The following DNAJA3 variants were observed in gnomAD, a reference collection of about 807,000 sequenced individuals.
DNAJA3 encodes DnaJ heat shock protein family (Hsp40) member A3.
DNAJA3 carries 29 observed loss-of-function variants against 54.9 expected under a neutral mutation model. The ratio of observed to expected loss-of-function variants is 0.53; its 90% CI spans 0.39 to 0.72. The LOEUF (loss-of-function observed/expected upper bound fraction) is 0.72. DNAJA3 is among the 30% of genes least tolerant of loss of function. The pLI is 0.00. For synonymous variants in DNAJA3, 302 were observed against 251.4 expected, an observed-to-expected ratio of 1.20 and a Z score of -1.90; for missense variants, 708 against 639.4, an observed-to-expected ratio of 1.11 and a Z score of -1.16.
rs1462773103 is a variant in DNAJA3 at position 4,434,278 on chromosome 16, C to G, written c.212-106C>G. Reference sequence around the variant, plus strand: ...GGGTGGGGACACAGCCAAACCTTATCAGTTTGTTTGTTCCTTCACAGATAT... The same window carrying G: ...GGGTGGGGACACAGCCAAACCTTATGAGTTTGTTTGTTCCTTCACAGATAT... On this transcript the variant is annotated intron_variant, in intron 1 of 11. Coordinates refer to ENST00000262375, the MANE Select transcript of DNAJA3 (RefSeq NM_005147.6). 4 of 1,289,110 alleles carry G rather than the reference C, an allele frequency of 3.1e-6. No homozygotes were observed. In the African/African-American group the frequency reaches 4.5e-5, roughly 14 times the overall value. 79.9% of individuals were successfully genotyped at this position (1,289,110 alleles called of 1,614,324 possible). A position where few individuals can be genotyped will look rare whatever the true frequency, so the allele number is the denominator to read the frequency against.
intron 2 of DNAJA3, among the ~76,000 whole-genome samples, chr16:4,435,410 C>T (rs1459402436): frequency 6.6e-6 from 1 of 151,920 alleles, no homozygotes; most frequent in Non-Finnish European, 1.5e-5. Context: ...GAGTTGTGCA[C>T]CTGTCACCAC....
rs955756314 is a variant in DNAJA3 at position 4,434,597 on chromosome 16, G to C, written c.345+80G>C. The C allele has an allele frequency of 3.9e-5, 59 of 1,516,408 alleles. No individual in the cohort carries two copies. The Admixed American group carries it at 1.2e-3, about 31-fold the overall frequency. 93.9% of individuals were successfully genotyped at this position (1,516,408 alleles called of 1,614,324 possible). A position where few individuals can be genotyped will look rare whatever the true frequency, so the allele number is the denominator to read the frequency against. On this transcript the variant is annotated intron_variant, in intron 2 of 11. Coordinates refer to ENST00000262375, the MANE Select transcript of DNAJA3 (RefSeq NM_005147.6). The stretch of plus-strand genomic sequence containing the variant: ...CCCATGTGATCCTGATCAGTACAGC[G>C]TATGTGCCCATATGAATAGGTCTCA...
intron 1 of DNAJA3, among the ~76,000 whole-genome samples, chr16:4,431,342 A>G (rs948732208): frequency 6.6e-6 from 1 of 152,250 alleles, no homozygotes; most frequent in Non-Finnish European, 1.5e-5. Flanking sequence ...GAAGAAACAC[A>G]AAGTGGTCTC....
Position 4,442,273 on chromosome 16 carries a change from C to T in DNAJA3, c.636C>T (p.Phe212=), listed in dbSNP as rs752967786. The change falls in exon 5 of 12, where the codon TTC becomes TTT. Residue 212 remains phenylalanine, a synonymous_variant. Transcript: ENST00000262375. ...QTVFDQPQEY[F]MELTFNQAAK... ...CTGTCCCTTGGTTTCTTTAGTACTTCATGGAGTTGACATTCAATCAAGCTG... is the reference window on the plus strand; with the variant it reads ...CTGTCCCTTGGTTTCTTTAGTACTTTATGGAGTTGACATTCAATCAAGCTG... 6.3e-7 allele frequency: 1 copy of T among 1,590,124 alleles called. No homozygotes were observed. The highest frequency in any genetic ancestry group is 2.3e-5 in the East Asian group (1 of 43,882).
chr16:4,437,538 C>T, intron 3 of DNAJA3, 53 bp downstream of exon 3: 1 of 1,509,510 alleles, frequency 6.6e-7, no homozygotes, highest in Admixed American at 1.7e-5. Context: ...GTGTATGAAT[C>T]AAAGGTTGCA....
At chr16:4,429,003 C>G (rs2056658928) in intron 1 of DNAJA3, among the ~76,000 whole-genome samples, 1 of 151,282 alleles carries the variant, frequency 6.6e-6, no homozygotes, top group South Asian at 2.1e-4. Flanking sequence ...ATTCTCCTGC[C>G]TCAGCCTCCC....
rs1379740729 is a variant in DNAJA3, at chr16:4,442,253, C to A, written c.631-15C>A. 2.6e-6 allele frequency: 4 copies of A among 1,559,978 alleles called. No individual in the cohort carries two copies. Among genetic ancestry groups the A allele is most frequent in the Non-Finnish European group, 3.5e-6 (4 of 1,149,090 alleles). On this transcript the variant is annotated splice_polypyrimidine_tract_variant and intron_variant, in intron 4 of 11. Coordinates refer to ENST00000262375, the MANE Select transcript of DNAJA3 (RefSeq NM_005147.6). ...TGCAAACAAAAGTTGACAGGCTGTC[C>A]CTTGGTTTCTTTAGTACTTCATGGA...
At chr16:4,453,536 G>A (rs1216712166) in intron 10 of DNAJA3, among the ~76,000 whole-genome samples, 1 of 151,978 alleles carries the variant, frequency 6.6e-6, no homozygotes, top group African/African-American at 2.4e-5. Context: ...TGCCTCTTGG[G>A]TTCAACCAAT....
chr16:4,436,821 C>A (rs2056777660), intron 2 of DNAJA3, among the ~76,000 whole-genome samples: 1 of 152,196 alleles, frequency 6.6e-6, no homozygotes, highest in South Asian at 2.1e-4. Context: ...CAGGCATGAG[C>A]CACTGCGCCC....
rs548062244 is a variant in DNAJA3, at chr16:4,434,777, A to C, written c.345+260A>C. On this transcript the variant is annotated intron_variant, in intron 2 of 11. Transcript: ENST00000262375. ...TTTTCTAGAGCTGTTTTCATAATTA[A>C]ATTTAATCTGTATTTTCTGAATCAG... Among the ~76,000 whole-genome samples the C allele has an allele frequency of 2.0e-5, 3 of 152,232 alleles. No homozygotes were observed. The East Asian group carries it at 5.8e-4, about 29-fold the overall frequency.
Position 4,446,907 on chromosome 16 carries a change from C to G in DNAJA3, c.1018C>G (p.Arg340Gly). The G allele has an allele frequency of 1.2e-6, 2 of 1,614,020 alleles. No homozygotes were observed. The highest frequency in any genetic ancestry group is 1.7e-6 in the Non-Finnish European group (2 of 1,179,994). The change falls in exon 8 of 12, where the codon CGG becomes GGG. Residue 340 changes from arginine to glycine, a missense_variant. By Grantham distance (125) the Arg-to-Gly change is moderately radical. Transcript: ENST00000262375. The part of the protein sequence containing the change: ...TFRVQKSPVF[R>G]RDGADIHSDL... ...TTAGGTGCAGAAAAGCCCTGTGTTC[C>G]GGAGGGACGGCGCAGACATCCACTC...
chr16:4,438,270 T>G lies in DNAJA3; in HGVS notation c.429+785T>G, dbSNP rs968722380. Among the ~76,000 whole-genome samples, 7 of 151,848 alleles carry G rather than the reference T, an allele frequency of 4.6e-5. No homozygotes were observed. The South Asian group carries it at 1.0e-3, about 23-fold the overall frequency. Reference sequence around the variant, plus strand: ...AGGCGGAGCTTGCAGTGAGCTGAGATTGCGCCACTGCACTCCAGCCTGGGC... The same window carrying G: ...AGGCGGAGCTTGCAGTGAGCTGAGAGTGCGCCACTGCACTCCAGCCTGGGC... On this transcript the variant is annotated intron_variant, in intron 3 of 11. Transcript: ENST00000262375.
At chr16:4,436,321 C>G (rs1375868029) in intron 2 of DNAJA3, among the ~76,000 whole-genome samples, 1 of 152,126 alleles carries the variant, frequency 6.6e-6, no homozygotes, top group African/African-American at 2.4e-5. Context: ...AAGATGGAGG[C>G]TGGGTTGGAC....
At chr16:4,429,271 G>T (rs1270224314) in intron 1 of DNAJA3, among the ~76,000 whole-genome samples, 1 of 151,382 alleles carries the variant, frequency 6.6e-6, no homozygotes. Context: ...GGCTCACCAT[G>T]ATCTTGACTC....
At chr16:4,444,010 G>C (rs1001856893) in intron 6 of DNAJA3, among the ~76,000 whole-genome samples, 8 of 152,116 alleles carry the variant, frequency 5.3e-5, no homozygotes, top group Admixed American at 1.3e-4. Context: ...TTAGATGTCT[G>C]TTTCTCTAGA....
chr16:4,433,359 C>T (rs914857330), intron 1 of DNAJA3: 1 of 152,200 alleles, frequency 6.6e-6, no homozygotes, highest in Non-Finnish European at 1.5e-5. Context: ...CAGCTGATGC[C>T]TAGAAGTTCT....
intron 9 of DNAJA3, chr16:4,450,035 A>T (rs1327977609): frequency 1.2e-5 from 2 of 173,774 alleles, no homozygotes; most frequent in Non-Finnish European, 2.4e-5. Flanking sequence ...TGATCCGCCC[A>T]CCTTGGCCTC....
chr16:4,454,069 C>G (rs1219370123), intron 10 of DNAJA3, among the ~76,000 whole-genome samples: 1 of 152,128 alleles, frequency 6.6e-6, no homozygotes, highest in African/African-American at 2.4e-5. Context: ...GCACAGCTTC[C>G]CTAGGTTGAG....
In DNAJA3 at chr16:4,443,138, A is replaced by T; in HGVS notation, c.905A>T (p.Lys302Met). ...CRGAGQAKQK[K>M]RVMIPVPAGV... ...GGAGCAGGACAAGCCAAGCAGAAAA[A>T]GCGAGTGATGATCCCTGTGCCTGCA... is the stretch of plus-strand genomic sequence containing the variant. Residue 302 changes from lysine to methionine, a missense_variant, in exon 6 of 12, where the codon AAG becomes ATG. Coordinates refer to ENST00000262375, the MANE Select transcript of DNAJA3 (RefSeq NM_005147.6). The T allele has an allele frequency of 6.2e-7, 1 of 1,613,962 alleles. No homozygotes were observed.
Sources: allele counts gnomAD v4.1 joint callset (sites outside exome capture counted in the v4.1 genomes callset), GRCh38; gene constraint gnomAD v4.1.1; transcripts MANE v1.5; gene names NCBI Gene and HGNC (gene_info 2026-07-23, HGNC 2026-07-21).